The following MBD5 variants were observed in gnomAD, a reference collection of about 807,000 sequenced individuals.
MBD5 encodes the protein methyl-CpG-binding domain protein 5.
In MBD5, 13 loss-of-function variants were observed where a neutral mutation model predicts 117.3. The observed-to-expected ratio is 0.11, with a 90% CI of 0.07 to 0.18. MBD5 has a LOEUF of 0.18. Among genes scored for constraint, MBD5 ranks in the 10% least tolerant of loss-of-function variants. The pLI, the probability that MBD5 is intolerant of heterozygous loss-of-function variation, is 1.00. For synonymous variants in MBD5, 727 were observed against 766.4 expected (o/e 0.95, Z 0.85); for missense variants, 1,879 against 2,093.8 (o/e 0.90, Z 2.00).
chr2:148,332,449 T>C (rs1202397701), intron 3 of MBD5, among the ~76,000 whole-genome samples: 2 of 152,192 alleles, frequency 1.3e-5, no homozygotes, highest in East Asian at 1.9e-4. Context: ...TTGAGGCTTC[T>C]TTCTGCCCCT....
intron 1 of MBD5, among the ~76,000 whole-genome samples, chr2:148,151,615 C>G (rs1181063497): frequency 6.6e-6 from 1 of 152,136 alleles, no homozygotes; most frequent in Non-Finnish European, 1.5e-5. Context: ...GCCACAATTT[C>G]AGATCCTGTT....
intron 1 of MBD5, among the ~76,000 whole-genome samples, chr2:148,094,280 A>T (rs1160764961): frequency 3.9e-5 from 6 of 152,274 alleles, no homozygotes. Context: ...AGTGTGGTGT[A>T]TTGGAGCTCT....
chr2:148,307,558 A>G (rs1344359826), intron 3 of MBD5, among the ~76,000 whole-genome samples: 8 of 152,202 alleles, frequency 5.3e-5, no homozygotes, highest in Non-Finnish European at 1.0e-4. Flanking sequence ...CTAAAAACAC[A>G]TCTTACTTTT....
intron 3 of MBD5, among the ~76,000 whole-genome samples, chr2:148,297,381 G>A (rs1701679927): frequency 6.6e-6 from 1 of 152,148 alleles, no homozygotes; most frequent in South Asian, 2.1e-4. Flanking sequence ...AGAGCACGCA[G>A]CCTTTCCCAT....
chr2:148,112,287 G>T (rs925536461), intron 1 of MBD5, among the ~76,000 whole-genome samples: 1 of 152,088 alleles, frequency 6.6e-6, no homozygotes, highest in Admixed American at 6.6e-5. Flanking sequence ...AACATTTAGG[G>T]TATTTACTAA....
At chr2:148,273,632 G>A (rs1701036150) in intron 3 of MBD5, among the ~76,000 whole-genome samples, 1 of 152,022 alleles carries the variant, frequency 6.6e-6, no homozygotes. Context: ...CAACCAATCA[G>A]CATTCCACAT....
intron 3 of MBD5, among the ~76,000 whole-genome samples, chr2:148,325,736 A>C (rs1285365960): frequency 2.7e-5 from 4 of 147,388 alleles, no homozygotes; most frequent in Non-Finnish European, 6.0e-5. Context: ...TTTTTTCTTT[A>C]TTAGTCTTGC....
chr2:148,063,588 C>A (rs1236828623), intron 1 of MBD5, among the ~76,000 whole-genome samples: 1 of 151,588 alleles, frequency 6.6e-6, no homozygotes, highest in Non-Finnish European at 1.5e-5. Context: ...GGCAGCAGGT[C>A]TTAGTTTGCT....
rs576927398 is a variant in MBD5 at position 148,312,295 on chromosome 2, G to A, written c.-679-29919G>A. Among the ~76,000 whole-genome samples, 10 of 152,270 alleles carry A rather than the reference G, an allele frequency of 6.6e-5. No homozygotes were observed. The East Asian group carries it at 7.7e-4, about 12-fold the overall frequency. ...TCACTTTCAGGTACACCAATCAAAC[G>A]CAGGTTTGGTCTTTTCACATAGTCC... On this transcript the variant is annotated intron_variant, in intron 3 of 13. Transcript: ENST00000642680.
At chr2:148,118,341 G>A (rs2105386879) in intron 1 of MBD5, among the ~76,000 whole-genome samples, 1 of 152,146 alleles carries the variant, frequency 6.6e-6, no homozygotes, top group South Asian at 2.1e-4. Flanking sequence ...CTGGCACAGT[G>A]GCTCATGCAT....
chr2:148,437,170 A>G (rs1222877391), intron 4 of MBD5, among the ~76,000 whole-genome samples: 1 of 151,704 alleles, frequency 6.6e-6, no homozygotes, highest in Non-Finnish European at 1.5e-5. Context: ...TTTAGTAGAG[A>G]TGGGGTTTCA....
chr2:148,485,400 C>T (rs1452237086), intron 9 of MBD5: 1 of 243,926 alleles, frequency 4.1e-6, no homozygotes, highest in East Asian at 1.0e-4. Context: ...CTAATTTCAA[C>T]CTTTAATTTT....
At chr2:148,079,355 G>A (rs1020228669) in intron 1 of MBD5, among the ~76,000 whole-genome samples, 5 of 152,164 alleles carry the variant, frequency 3.3e-5, no homozygotes, top group East Asian at 1.9e-4. Context: ...AAGCTCAATC[G>A]ATGAGGATAT....
At chr2:148,076,104 TCA>T (rs1695501114) in intron 1 of MBD5, among the ~76,000 whole-genome samples, 1 of 152,156 alleles carries the variant, frequency 6.6e-6, no homozygotes, top group Admixed American at 6.5e-5. Context: ...AGAAAACATA[TCA>T]CAAAAATTAA....
chr2:148,051,061 T>C (rs1694686013), intron 1 of MBD5, among the ~76,000 whole-genome samples: 1 of 152,168 alleles, frequency 6.6e-6, no homozygotes, highest in Non-Finnish European at 1.5e-5. Flanking sequence ...ATGAACAGTA[T>C]GTCTTTTCAT....
Position 148,489,745 on chromosome 2 carries a change from T to A in MBD5, c.4113T>A (p.Ser1371Arg), listed in dbSNP as rs1222509621. ...TTGGTGACCCATTAAATCTCTCCAGTGCTGTCAGTGCGGTCATTCATGGAC... is the reference window on the plus strand; with the variant it reads ...TTGGTGACCCATTAAATCTCTCCAGAGCTGTCAGTGCGGTCATTCATGGAC... ...ASIGDPLNLS[S>R]AVSAVIHGRN... The change falls in exon 11 of 14, where the codon AGT becomes AGA. Residue 1371 changes from serine (S) to arginine (R), a missense_variant. This residue lies in a region of MBD5 where 1,666 missense variants were observed against 1,792.2 expected (regional missense o/e 0.93). Transcript: ENST00000642680. 6.2e-7 allele frequency: 1 copy of A among 1,614,058 alleles called. No homozygotes were observed. Among genetic ancestry groups the A allele is most frequent in the Non-Finnish European group, 8.5e-7 (1 of 1,180,036 alleles).
intron 1 of MBD5, among the ~76,000 whole-genome samples, chr2:148,047,101 A>G (rs1694555141): frequency 6.6e-6 from 1 of 152,156 alleles, no homozygotes; most frequent in Non-Finnish European, 1.5e-5. Flanking sequence ...CTCCCCCAAC[A>G]TAGTTTTACT....
intron 1 of MBD5, among the ~76,000 whole-genome samples, chr2:148,117,156 T>C (rs1244127225): frequency 6.6e-6 from 1 of 152,066 alleles, no homozygotes; most frequent in South Asian, 2.1e-4. Context: ...TTTCTCAGTG[T>C]TTTTTTAAAA....
At chr2:148,353,355 T>C (rs902519918) in intron 4 of MBD5, among the ~76,000 whole-genome samples, 1 of 152,156 alleles carries the variant, frequency 6.6e-6, no homozygotes, top group Non-Finnish European at 1.5e-5. Context: ...AATGGTCCTT[T>C]GGCCCAAATT....
Sources: gnomAD v4.1 joint callset for allele counts (sites outside exome capture counted in the v4.1 genomes callset) on GRCh38, gnomAD v4.1.1 for gene constraint, gnomAD v4.1.1 regional missense constraint, MANE v1.5 for transcripts, NCBI Gene and HGNC (gene_info 2026-07-23, HGNC 2026-07-21) for gene names.